Variants in MAPK10 observed in about 807,000 individuals in gnomAD.
MAPK10 encodes mitogen-activated protein kinase 10.
In MAPK10, 25 loss-of-function variants were observed where a neutral mutation model predicts 59.3. That is an observed-to-expected ratio of 0.42 (90% CI 0.31 to 0.59). The LOEUF (loss-of-function observed/expected upper bound fraction) is 0.59, where lower values mean the gene tolerates loss of function less well. Among genes scored for constraint, MAPK10 ranks in the 20% least tolerant of loss-of-function variants. The pLI, the probability that MAPK10 is intolerant of heterozygous loss-of-function variation, is 0.15. For missense variants in MAPK10, 351 were observed against 568.9 expected (o/e 0.62, Z 3.90); for synonymous variants, 190 against 200.5 (o/e 0.95, Z 0.44).
chr4:86,144,519 T>C (rs2064397413), intron 4 of MAPK10, among the ~76,000 whole-genome samples: 1 of 152,138 alleles, frequency 6.6e-6, no homozygotes, highest in Non-Finnish European at 1.5e-5. Context: ...GAGCATACAT[T>C]TACATTCCAA....
intron 2 of MAPK10, among the ~76,000 whole-genome samples, chr4:86,313,242 C>T (rs897079533): frequency 9.2e-5 from 14 of 152,072 alleles, no homozygotes; most frequent in Non-Finnish European, 7.4e-5. Flanking sequence ...TTTGACACCA[C>T]ACCTAATGGA....
At chr4:86,284,961 G>A (rs1316341053) in intron 2 of MAPK10, among the ~76,000 whole-genome samples, 1 of 152,208 alleles carries the variant, frequency 6.6e-6, no homozygotes, top group African/African-American at 2.4e-5. Context: ...TTTTGTCCAT[G>A]AGGACTATCC....
chr4:86,068,289 T>C (rs2047124290), intron 9 of MAPK10, among the ~76,000 whole-genome samples: 1 of 152,162 alleles, frequency 6.6e-6, no homozygotes, highest in South Asian at 2.1e-4. Flanking sequence ...ATAAATCATG[T>C]GATTCAGAAG....
At chr4:86,086,540 C>T (rs1159352627) in intron 9 of MAPK10, among the ~76,000 whole-genome samples, 1 of 151,650 alleles carries the variant, frequency 6.6e-6, no homozygotes, top group East Asian at 1.9e-4. Flanking sequence ...CTATTATGTA[C>T]CCAGAAAAAT....
chr4:86,403,742 T>C (rs1744015274), intron 1 of MAPK10, among the ~76,000 whole-genome samples: 1 of 152,090 alleles, frequency 6.6e-6, no homozygotes, highest in Non-Finnish European at 1.5e-5. Flanking sequence ...GATCTCGTGA[T>C]ACTCACTCAC....
intron 1 of MAPK10, among the ~76,000 whole-genome samples, chr4:86,517,719 T>A (rs1347191647): frequency 6.6e-6 from 1 of 152,204 alleles, no homozygotes; most frequent in Non-Finnish European, 1.5e-5. Context: ...TAATACTGGG[T>A]TCATAGAATG....
At chr4:86,127,952 T>G (rs2060335167) in intron 4 of MAPK10, among the ~76,000 whole-genome samples, 1 of 152,136 alleles carries the variant, frequency 6.6e-6, no homozygotes, top group Middle Eastern at 3.4e-3. Context: ...AAAAACTATA[T>G]GTAGGGATTT....
intron 1 of MAPK10, among the ~76,000 whole-genome samples, chr4:86,584,721 A>T (rs1035119404): frequency 1.3e-5 from 2 of 152,126 alleles, no homozygotes; most frequent in Non-Finnish European, 2.9e-5. Context: ...CTGAGTTTAC[A>T]AGTGTGATCC....
Position 86,103,158 on chromosome 4 carries a change from CCCTTCCTTCATG to C in MAPK10, c.425+16_425+27del. Reference sequence around the variant, plus strand: ...TTGGGCTATCTGAGTGCTGTGCTCTCCCTTCCTTCATGAGTTTTGTTACTTACACATCTTGGA... The same window carrying C: ...TTGGGCTATCTGAGTGCTGTGCTCTCAGTTTTGTTACTTACACATCTTGGA... On this transcript the variant is annotated intron_variant, in intron 6 of 13. Coordinates refer to ENST00000641462, the MANE Select transcript of MAPK10 (RefSeq NM_138982.4). The C allele has an allele frequency of 6.4e-7, 1 of 1,573,912 alleles. No homozygotes were observed. Among genetic ancestry groups the C allele is most frequent in the Non-Finnish European group, 8.7e-7 (1 of 1,146,094 alleles).
chr4:86,089,176 A>G (rs1424124267), intron 9 of MAPK10: 1 of 1,572,050 alleles, frequency 6.4e-7, no homozygotes, highest in South Asian at 1.1e-5. Context: ...AGTGACACCC[A>G]TAGATACCAC....
chr4:86,294,111 G>C (rs765485232), intron 2 of MAPK10, among the ~76,000 whole-genome samples: 28 of 152,188 alleles, frequency 1.8e-4, no homozygotes, highest in African/African-American at 6.8e-4. Context: ...CCTCATCAAT[G>C]TGATTAGCTC....
chr4:86,229,041 T>C (rs2091131422), intron 2 of MAPK10, among the ~76,000 whole-genome samples: 1 of 152,226 alleles, frequency 6.6e-6, no homozygotes, highest in African/African-American at 2.4e-5. Context: ...AAATACTTCA[T>C]ATATTGAAAT....
At chr4:86,098,871 C>A (rs2054749984) in intron 8 of MAPK10, 3 of 323,924 alleles carry the variant, frequency 9.3e-6, no homozygotes, top group African/African-American at 2.1e-5. Context: ...ACATTGGTGA[C>A]TGAGAAAAGC....
intron 1 of MAPK10, among the ~76,000 whole-genome samples, chr4:86,581,924 T>G (rs1397716356): frequency 6.3e-5 from 8 of 126,632 alleles, no homozygotes; most frequent in Admixed American, 1.6e-4. Flanking sequence ...TATATATATA[T>G]ATATATATAT....
chr4:86,372,579 A>AAAAGAAAAGT (rs1739069015), intron 1 of MAPK10, among the ~76,000 whole-genome samples: 1 of 150,548 alleles, frequency 6.6e-6, no homozygotes, highest in African/African-American at 2.5e-5. Context: ...AAAAGAAAAG[A>AAAAGAAAAGT]AAAGAAAAGA....
chr4:86,290,288 A>T (rs912933189), intron 2 of MAPK10, among the ~76,000 whole-genome samples: 1 of 152,186 alleles, frequency 6.6e-6, no homozygotes, highest in African/African-American at 2.4e-5. Context: ...CTGTGACAAG[A>T]GCTGCTAAGA....
intron 2 of MAPK10, among the ~76,000 whole-genome samples, chr4:86,273,048 C>T (rs1027785195): frequency 3.3e-5 from 5 of 151,958 alleles, no homozygotes; most frequent in African/African-American, 9.7e-5. Flanking sequence ...TTTTAAAATG[C>T]TACAAAATAA....
intron 1 of MAPK10, among the ~76,000 whole-genome samples, chr4:86,553,510 C>A (rs1432124299): frequency 2.0e-5 from 3 of 152,150 alleles, no homozygotes; most frequent in Non-Finnish European, 4.4e-5. Flanking sequence ...CTTACATAGC[C>A]CCAGATTCCT....
intron 4 of MAPK10, among the ~76,000 whole-genome samples, chr4:86,150,979 G>A (rs909361921): frequency 1.1e-4 from 17 of 152,174 alleles, no homozygotes; most frequent in Non-Finnish European, 1.0e-4. Context: ...GGTTGTTTGA[G>A]GGGTAGGCAC....
Sources: allele counts gnomAD v4.1 joint callset (sites outside exome capture counted in the v4.1 genomes callset), GRCh38; gene constraint gnomAD v4.1.1; transcripts MANE v1.5; gene names NCBI Gene and HGNC (gene_info 2026-07-23, HGNC 2026-07-21).